The following AKAP8L variants were observed in gnomAD, a reference collection of about 807,000 sequenced individuals.
AKAP8L encodes A-kinase anchoring protein 8 like, also known as A-kinase anchor protein 8-like.
In AKAP8L, 34 loss-of-function variants were observed where a neutral mutation model predicts 77.5. The observed-to-expected ratio is 0.44, with a 90% confidence interval of 0.33 to 0.58. AKAP8L has a LOEUF of 0.58. Among genes scored for constraint, AKAP8L ranks in the 20% least tolerant of loss-of-function variants. AKAP8L has a pLI of 0.02. For missense variants in AKAP8L, 806 were observed against 887.6 expected, an observed-to-expected ratio of 0.91 and a Z score of 1.17; for synonymous variants, 342 against 340.7, an observed-to-expected ratio of 1.00 and a Z score of -0.04.
intron 1 of AKAP8L, among the ~76,000 whole-genome samples, chr19:15,415,850 C>G (rs1968196662): frequency 6.6e-6 from 1 of 150,844 alleles, no homozygotes; most frequent in Non-Finnish European, 1.5e-5. Flanking sequence ...GGCGCCACTG[C>G]ACTCCAGCCT....
chr19:15,413,984 G>A (rs969681765), intron 1 of AKAP8L, among the ~76,000 whole-genome samples: 3 of 150,956 alleles, frequency 2.0e-5, no homozygotes, highest in African/African-American at 7.3e-5. Flanking sequence ...TTAACATTCT[G>A]TTCCACAATA....
At chr19:15,418,306 A>G (rs903299099) in intron 1 of AKAP8L, among the ~76,000 whole-genome samples, 5 of 152,180 alleles carry the variant, frequency 3.3e-5, no homozygotes, top group Non-Finnish European at 7.3e-5. Flanking sequence ...ACGCAGAGGG[A>G]ATTAACATGG....
intron 1 of AKAP8L, among the ~76,000 whole-genome samples, chr19:15,415,207 G>A (rs985345684): frequency 7.2e-5 from 11 of 152,182 alleles, no homozygotes; most frequent in Non-Finnish European, 1.2e-4. Flanking sequence ...GCTGAGTTGG[G>A]AGGATCACTT....
chr19:15,380,457 GGGAGGGAGCACA>G (rs1568258552), intron 13 of AKAP8L, 27 bp from the exon 14 acceptor site: 1 of 1,611,654 alleles, frequency 6.2e-7, no homozygotes, highest in Admixed American at 1.7e-5. Flanking sequence ...GGACACTGAA[GGGAGGGAGCACA>G]GGCGGGGACT....
Position 15,397,781 on chromosome 19 carries a change from T to C in AKAP8L, c.1232A>G (p.Lys411Arg). 9 of 1,614,012 alleles carry C rather than the reference T, an allele frequency of 5.6e-6. No individual in the cohort carries two copies. Among genetic ancestry groups the C allele is most frequent in the Non-Finnish European group, 5.9e-6 (7 of 1,179,888 alleles). The part of the protein sequence containing the change: ...EDEMASHLDS[K>R]FHKEHFKYVG... ...GTACTTAAAGTGTTCCTTGTGGAAC[T>C]TGCTGTCAAGATGGCTGGCCATCTC... Residue 411 changes from lysine (K) to arginine (R), a missense_variant, in exon 10 of 14, where the codon AAG becomes AGG. This residue lies in a region of AKAP8L where 580 missense variants were observed against 694.1 expected (regional missense o/e 0.84). Coordinates refer to ENST00000397410, the MANE Select transcript of AKAP8L (RefSeq NM_014371.4). The surrounding 1 kb of genome is among the most constrained non-coding windows in gnomAD (Gnocchi z 4.7).
In AKAP8L at chr19:15,400,984, G is replaced by A. The variant is rs201515831; in HGVS notation, c.876C>T (p.Thr292=). ...CGCTGTTGTCCGAGCAGTCCGTGCG[G>A]GTGGCTTTGCTATCTGGCTCATCAG... ...GSPDEPDSKA[T]RTDCSDNSDS... Residue 292 remains threonine (T), a synonymous_variant, in exon 6 of 14, where the codon ACC becomes ACT. Coordinates refer to ENST00000397410, the MANE Select transcript of AKAP8L (RefSeq NM_014371.4). 1.2e-6 allele frequency: 2 copies of A among 1,613,994 alleles called. No individual in the cohort carries two copies. The highest frequency in any genetic ancestry group is 3.3e-5 in the Admixed American group (2 of 60,028).
rs548876024 is a variant in AKAP8L at position 15,390,049 on chromosome 19, A to T, written c.1536+7101T>A. Among the ~76,000 whole-genome samples the T allele has an allele frequency of 8.6e-5, 13 of 150,524 alleles. No homozygotes were observed. The East Asian group carries it at 1.4e-3, about 16-fold the overall frequency. On this transcript the variant is annotated intron_variant, in intron 12 of 13. Transcript: ENST00000397410. ...AGACACAAATTACTAAAAATGACTTAAAAAAAAACCCCAGACTATCTGAAT... is the reference window on the plus strand; with the variant it reads ...AGACACAAATTACTAAAAATGACTTTAAAAAAAACCCCAGACTATCTGAAT...
In AKAP8L at chr19:15,398,577, G is replaced by A; in HGVS notation, c.1158-722C>T. On this transcript the variant is annotated intron_variant, in intron 9 of 13. Transcript: ENST00000397410. The surrounding 1 kb of genome is among the most constrained non-coding windows in gnomAD (Gnocchi z 9.2). The stretch of plus-strand genomic sequence containing the variant: ...GGCCTGGGCCGGAGCAGGCCGCCGT[G>A]GCAAGGGGCGGAGGAGGCCAGCCGC... The A allele has an allele frequency of 1.0e-6, 1 of 987,258 alleles. No homozygotes were observed. Among genetic ancestry groups the A allele is most frequent in the Non-Finnish European group, 1.2e-6 (1 of 831,200 alleles). The allele number at this position is 987,258 out of a possible 1,614,324, so 61.2% of individuals were successfully genotyped here.
At chr19:15,394,057 T>C (rs963865732) in intron 12 of AKAP8L, among the ~76,000 whole-genome samples, 5 of 152,200 alleles carry the variant, frequency 3.3e-5, no homozygotes, top group Non-Finnish European at 7.3e-5. Flanking sequence ...GATCAAGACA[T>C]TCCAGTCCTA....
At chr19:15,408,742 G>A (rs1599617812) in intron 2 of AKAP8L, among the ~76,000 whole-genome samples, 1 of 151,668 alleles carries the variant, frequency 6.6e-6, no homozygotes, top group Non-Finnish European at 1.5e-5. Context: ...AGATTAGCCA[G>A]GCGTGGTGGC....
chr19:15,412,634 C>A (rs1968126998), intron 1 of AKAP8L, among the ~76,000 whole-genome samples: 1 of 152,182 alleles, frequency 6.6e-6, no homozygotes, highest in Non-Finnish European at 1.5e-5. Context: ...CTCCACCTCC[C>A]GGGTTCAAGC....
Position 15,397,937 on chromosome 19 carries a change from GC to G in AKAP8L, c.1158-83del. ...GCCGCCTCACCCAACCCAGACACAA[GC>G]CCTGAAACAGGCCTTGCTCACGGGC... On this transcript the variant is annotated intron_variant, in intron 9 of 13. Transcript: ENST00000397410. This position sits in a 1 kb window ranked among gnomAD's most constrained non-coding sequence, Gnocchi z 4.7. The G allele has an allele frequency of 6.5e-7, 1 of 1,534,450 alleles. No individual in the cohort carries two copies. The highest frequency in any genetic ancestry group is 8.8e-7 in the Non-Finnish European group (1 of 1,133,952).
At chr19:15,400,142 G>A (rs895351885) in intron 8 of AKAP8L, 153 bp downstream of exon 8, 19 of 742,152 alleles carry the variant, frequency 2.6e-5, no homozygotes, top group Non-Finnish European at 3.6e-5. Flanking sequence ...TGGAGGCGGC[G>A]AAAAGAAAGC....
intron 12 of AKAP8L, among the ~76,000 whole-genome samples, chr19:15,381,605 C>T (rs1967419107): frequency 6.6e-6 from 1 of 152,078 alleles, no homozygotes; most frequent in South Asian, 2.1e-4. Context: ...GCTGTTTCTA[C>T]TCTCTCCATC....
intron 1 of AKAP8L, among the ~76,000 whole-genome samples, chr19:15,416,117 G>A (rs144339959): frequency 9.9e-5 from 15 of 150,762 alleles, no homozygotes; most frequent in African/African-American, 2.2e-4. Context: ...GTGAGCCACC[G>A]TGCCTGATCT....
At chr19:15,409,879 C>A (rs1485455075) in intron 2 of AKAP8L, among the ~76,000 whole-genome samples, 6 of 152,182 alleles carry the variant, frequency 3.9e-5, no homozygotes, top group Non-Finnish European at 8.8e-5. Flanking sequence ...AGCCTCTCTC[C>A]CACAGCAAGG....
At chr19:15,410,388 A>T in intron 2 of AKAP8L, 132 bp downstream of exon 2, 1 of 736,102 alleles carries the variant, frequency 1.4e-6, no homozygotes. Context: ...TAGCTATTCA[A>T]ATGGCCACAC....
At chr19:15,415,704 G>A (rs1283021924) in intron 1 of AKAP8L, among the ~76,000 whole-genome samples, 1 of 151,984 alleles carries the variant, frequency 6.6e-6, no homozygotes, top group African/African-American at 2.4e-5. Flanking sequence ...GGCTAACAAG[G>A]TGAAACCCCG....
At chr19:15,383,127 G>A (rs1967453793) in intron 12 of AKAP8L, 1 of 152,216 alleles carries the variant, frequency 6.6e-6, no homozygotes. Flanking sequence ...TGTAAGTCAT[G>A]TGAAGAATTA....
Sources: allele counts gnomAD v4.1 joint callset (sites outside exome capture counted in the v4.1 genomes callset), GRCh38; gene constraint gnomAD v4.1.1; regional missense constraint gnomAD v4.1.1; non-coding constraint Gnocchi (gnomAD v3.1); transcripts MANE v1.5; gene names NCBI Gene and HGNC (gene_info 2026-07-23, HGNC 2026-07-21).